MVB12B: variants seen among roughly 807,000 people sequenced by gnomAD.
The protein encoded by MVB12B is ESCRT-I complex subunit MVB12B.
A neutral mutation model predicts 41.6 loss-of-function variants in MVB12B; 16 were observed. The observed-to-expected ratio is 0.38, with a 90% CI of 0.26 to 0.58. The LOEUF is 0.58. Among genes scored for constraint, MVB12B ranks in the 20% least tolerant of loss-of-function variants. The probability of loss-of-function intolerance (pLI) is 0.62; values close to 1 mark genes in which losing one functional copy is unlikely to be tolerated. For missense variants in MVB12B, 274 were observed against 380.2 expected (o/e 0.72, Z 2.32); for synonymous variants, 133 against 139.7 (o/e 0.95, Z 0.34).
intron 6 of MVB12B, among the ~76,000 whole-genome samples, chr9:126,416,482 G>A (rs1831830144): frequency 6.6e-6 from 1 of 152,200 alleles, no homozygotes; most frequent in Non-Finnish European, 1.5e-5. Context: ...ACTGTAACCT[G>A]TCGGGATCAC....
At chr9:126,384,043 T>C (rs1400121931) in intron 3 of MVB12B, among the ~76,000 whole-genome samples, 1 of 151,862 alleles carries the variant, frequency 6.6e-6, no homozygotes, top group Admixed American at 6.6e-5. Flanking sequence ...AAAACATGCC[T>C]AGTTGTTAAT....
intron 6 of MVB12B, among the ~76,000 whole-genome samples, chr9:126,404,803 G>A (rs1188187028): frequency 1.3e-5 from 2 of 152,244 alleles, no homozygotes. Flanking sequence ...GAGCAGTGTG[G>A]TTGATTCTGG....
At chr9:126,448,340 G>A (rs1419874231) in intron 7 of MVB12B, 1 of 152,308 alleles carries the variant, frequency 6.6e-6, no homozygotes, top group Non-Finnish European at 1.5e-5. Context: ...TATGCTGCAA[G>A]TCCAGCCCTG....
chr9:126,413,630 C>T (rs1185028325), intron 6 of MVB12B, among the ~76,000 whole-genome samples: 1 of 152,182 alleles, frequency 6.6e-6, no homozygotes, highest in African/African-American at 2.4e-5. Context: ...CTTCTGTTGT[C>T]TTCCTGCACA....
intron 7 of MVB12B, among the ~76,000 whole-genome samples, chr9:126,449,223 G>A (rs991459441): frequency 6.6e-6 from 1 of 152,188 alleles, no homozygotes; most frequent in Non-Finnish European, 1.5e-5. Context: ...AGCACACGGG[G>A]CCCCCACACA....
intron 7 of MVB12B, among the ~76,000 whole-genome samples, chr9:126,444,134 C>T (rs567841130): frequency 6.6e-6 from 1 of 152,226 alleles, no homozygotes; most frequent in Non-Finnish European, 1.5e-5. Context: ...ATCATCCTCC[C>T]TCTTATGGAT....
At chr9:126,351,464 A>G (rs1394277164) in intron 2 of MVB12B, among the ~76,000 whole-genome samples, 1 of 150,134 alleles carries the variant, frequency 6.7e-6, no homozygotes, top group East Asian at 1.9e-4. Flanking sequence ...CATAGGTGGA[A>G]AACATTCAGT....
intron 7 of MVB12B, among the ~76,000 whole-genome samples, chr9:126,449,974 C>T (rs999334576): frequency 2.6e-5 from 4 of 152,320 alleles, no homozygotes; most frequent in Admixed American, 6.5e-5. Flanking sequence ...TACGGAATTC[C>T]GTAGTAGGCT....
chr9:126,330,100 G>A (rs1056201391), intron 1 of MVB12B, among the ~76,000 whole-genome samples: 3 of 152,144 alleles, frequency 2.0e-5, no homozygotes, highest in Non-Finnish European at 4.4e-5. Context: ...CCTTGTTGGG[G>A]ACATCCTGTG....
chr9:126,483,943 T>G (rs1266079672), intron 8 of MVB12B, 30 bp from the exon 9 acceptor site: 1 of 1,613,236 alleles, frequency 6.2e-7, no homozygotes, highest in Admixed American at 1.7e-5. Context: ...TTCCAGCTAT[T>G]TAAAAGGGCA....
chr9:126,421,750 C>T, intron 6 of MVB12B, 104 bp from the exon 7 acceptor site: 1 of 848,450 alleles, frequency 1.2e-6, no homozygotes, highest in Admixed American at 1.8e-5. Context: ...ACCTGCTCTG[C>T]CCGCTGATCT....
rs970914588 is a variant in MVB12B at position 126,333,507 on chromosome 9, C to T, written c.81+6497C>T. On this transcript the variant is annotated intron_variant, in intron 1 of 9. Transcript: ENST00000361171. This position sits in a 1 kb window ranked among gnomAD's most constrained non-coding sequence, Gnocchi z 4.7. ...GCAACCTCCACCTCCTGGGTTTAAG[C>T]GATTCTTGTGCCTCACCCTCTCGAG... Among the ~76,000 whole-genome samples the T allele has an allele frequency of 7.2e-5, 11 of 152,268 alleles. No homozygotes were observed. Among genetic ancestry groups the T allele is most frequent in the Admixed American group, 5.2e-4 (8 of 15,296 alleles).
At chr9:126,474,862 G>T (rs1206438069) in intron 7 of MVB12B, among the ~76,000 whole-genome samples, 1 of 152,090 alleles carries the variant, frequency 6.6e-6, no homozygotes, top group Admixed American at 6.5e-5. Context: ...TCACCACTCT[G>T]GCCTCCTTGA....
At position 126,505,680 on chromosome 9, in the gene MVB12B, A is replaced by ATGTGTGTGTGTGTGTGTG. The variant is rs1564357107; in HGVS notation, c.*2418_*2419insGTGTGTGTGTGTGTGTGT. On this transcript the variant is annotated 3_prime_UTR_variant, in exon 10 of 10. Coordinates refer to ENST00000361171, the MANE Select transcript of MVB12B (RefSeq NM_033446.3). ...TGTGTGTGTGTGTGTGTGTGTGTGTATATGTGTGTGTGTGCACGCACATGC... is the reference window on the plus strand; with the variant it reads ...TGTGTGTGTGTGTGTGTGTGTGTGTATGTGTGTGTGTGTGTGTGTATGTGTGTGTGTGCACGCACATGC... 2.0e-5 allele frequency: 2 copies of ATGTGTGTGTGTGTGTGTG among 99,174 alleles called. No homozygotes were observed. Among genetic ancestry groups the ATGTGTGTGTGTGTGTGTG allele is most frequent in the African/African-American group, 7.7e-5 (2 of 26,042 alleles). 6.1% of individuals were successfully genotyped at this position (99,174 alleles called of 1,614,324 possible).
At chr9:126,481,263 A>G in intron 7 of MVB12B, 106 bp from the exon 8 acceptor site, 1 of 964,486 alleles carries the variant, frequency 1.0e-6, no homozygotes, top group South Asian at 1.3e-5. Flanking sequence ...ACCTGGCTCC[A>G]TCCAGTGACG....
At chr9:126,418,669 C>T (rs559948096) in intron 6 of MVB12B, among the ~76,000 whole-genome samples, 4 of 152,278 alleles carry the variant, frequency 2.6e-5, no homozygotes, top group East Asian at 1.9e-4. Context: ...CTGGCCCCAC[C>T]GTCTTCCTGG....
intron 7 of MVB12B, among the ~76,000 whole-genome samples, chr9:126,456,300 CTTTCGCACACGA>C (rs1404930398): frequency 4.6e-5 from 7 of 152,196 alleles, no homozygotes; most frequent in Admixed American, 1.3e-4. Flanking sequence ...AAAAATAGCT[CTTTCGCACACGA>C]TTTCTCCCAC....
chr9:126,447,246 C>T (rs1482925769), intron 7 of MVB12B, among the ~76,000 whole-genome samples: 2 of 136,088 alleles, frequency 1.5e-5, no homozygotes, highest in Non-Finnish European at 3.1e-5. Context: ...TGCCCCCAGC[C>T]ACCTTTTTTT....
At chr9:126,359,971 C>T (rs1829985700) in intron 2 of MVB12B, among the ~76,000 whole-genome samples, 1 of 151,976 alleles carries the variant, frequency 6.6e-6, no homozygotes, top group Non-Finnish European at 1.5e-5. Flanking sequence ...TTTTCTTCTG[C>T]TTACTTTGGG....
Sources: gnomAD v4.1 joint callset for allele counts (sites outside exome capture counted in the v4.1 genomes callset) on GRCh38, gnomAD v4.1.1 for gene constraint, Gnocchi (gnomAD v3.1) non-coding constraint, MANE v1.5 for transcripts, NCBI Gene and HGNC (gene_info 2026-07-23, HGNC 2026-07-21) for gene names.